The following TRPM7 variants were observed in gnomAD, a reference collection of about 807,000 sequenced individuals.
TRPM7 encodes transient receptor potential cation channel subfamily M member 7.
TRPM7 carries 134 observed loss-of-function variants against 229.7 expected under a neutral mutation model. The ratio of observed to expected loss-of-function variants is 0.58; its 90% confidence interval spans 0.51 to 0.67. The LOEUF is 0.67. Among genes scored for constraint, TRPM7 ranks in the 30% least tolerant of loss-of-function variants. The pLI, the probability that TRPM7 is intolerant of heterozygous loss-of-function variation, is 0.00. For synonymous variants in TRPM7, 699 were observed against 715.2 expected, an observed-to-expected ratio of 0.98 and a Z score of 0.36; for missense variants, 1,901 against 2,210.0, an observed-to-expected ratio of 0.86 and a Z score of 2.80.
Position 50,561,589 on chromosome 15 carries a change from A to G in TRPM7, c.*89T>C. On this transcript the variant is annotated 3_prime_UTR_variant, in exon 39 of 39. Coordinates refer to ENST00000646667, the MANE Select transcript of TRPM7 (RefSeq NM_017672.6). ...ATTCAACTTGCATACACCTTTCTAT[A>G]TTACCAAACAATTTCCTCCCGAGGG... is the stretch of plus-strand genomic sequence containing the variant. 1 of 1,515,780 alleles carries G rather than the reference A, an allele frequency of 6.6e-7. No individual in the cohort carries two copies. The highest frequency in any genetic ancestry group is 9.0e-7 in the Non-Finnish European group (1 of 1,110,580). 93.9% of individuals were successfully genotyped at this position (1,515,780 alleles called of 1,614,324 possible). A position where few individuals can be genotyped will look rare whatever the true frequency, so the allele number is the denominator to read the frequency against.
rs1415561237 is a variant in TRPM7 at position 50,648,737 on chromosome 15, C to A, written c.271G>T (p.Ala91Ser). The change falls in exon 4 of 39, where the codon GCT becomes TCT. Residue 91 changes from alanine (A) to serine (S), a missense_variant. This residue lies in a region of TRPM7 where 794 missense variants were observed against 881.9 expected (regional missense o/e 0.90). Coordinates refer to ENST00000646667, the MANE Select transcript of TRPM7 (RefSeq NM_017672.6). Reference protein sequence around the residue: ...EKHTEQSPTDAYGVINFQGGS... With the variant: ...EKHTEQSPTDSYGVINFQGGS... Reference sequence around the variant, plus strand: ...CCTTGAAAATTTATGACTCCATAAGCATCCGTTGGGCTCTGTTCTGTATGC... The same window carrying A: ...CCTTGAAAATTTATGACTCCATAAGAATCCGTTGGGCTCTGTTCTGTATGC... 6.2e-7 allele frequency: 1 copy of A among 1,612,624 alleles called. No individual in the cohort carries two copies. The highest frequency in any genetic ancestry group is 1.3e-5 in the African/African-American group (1 of 74,878).
chr15:50,676,747 T>C (rs1436563376), intron 1 of TRPM7, among the ~76,000 whole-genome samples: 1 of 151,990 alleles, frequency 6.6e-6, no homozygotes, highest in Non-Finnish European at 1.5e-5. Context: ...AAAATATCAA[T>C]AGAAATCCCA....
At chr15:50,673,470 C>A in intron 1 of TRPM7, among the ~76,000 whole-genome samples, 1 of 152,056 alleles carries the variant, frequency 6.6e-6, no homozygotes, top group East Asian at 1.9e-4. Flanking sequence ...CATTCTTATG[C>A]CTTTGCGTCC....
Position 50,575,937 on chromosome 15 carries a change from C to G in TRPM7, c.4619-18G>C. 1 of 1,610,800 alleles carries G rather than the reference C, an allele frequency of 6.2e-7. No individual in the cohort carries two copies. The highest frequency in any genetic ancestry group is 2.2e-5 in the East Asian group (1 of 44,772). On this transcript the variant is annotated intron_variant, in intron 31 of 38. Transcript: ENST00000646667. ...AGTGAGACCTAGAATGGCAAATAAACAAACGAGACCATTTAAAAAGTACTA... is the reference window on the plus strand; with the variant it reads ...AGTGAGACCTAGAATGGCAAATAAAGAAACGAGACCATTTAAAAAGTACTA...
chr15:50,629,754 G>C (rs934428651), intron 10 of TRPM7, among the ~76,000 whole-genome samples: 2 of 151,200 alleles, frequency 1.3e-5, no homozygotes, highest in Non-Finnish European at 2.9e-5. Flanking sequence ...AATCTGACTT[G>C]TAGGAATAAA....
Position 50,643,529 on chromosome 15 carries a change from T to C in TRPM7, c.346A>G (p.Lys116Glu). The change falls in exon 5 of 39, where the codon AAA becomes GAA. Residue 116 changes from lysine (K) to glutamate (E), a missense_variant. Physicochemically the swap from Lys to Glu is moderately conservative, Grantham distance 56. Around this residue, in one of 8 missense-constraint regions of TRPM7, gnomAD observed 794 missense variants for 881.9 expected, o/e 0.90. Transcript: ENST00000646667. ...AKYVRLSYDT[K>E]PEVILQLLLK... is the part of the protein sequence containing the mutation. ...AGAAGTTGCAGAATGACTTCAGGTT[T>C]GGTGTCATATGATAGCCTCACATAC... 1 of 1,614,150 alleles carries C rather than the reference T, an allele frequency of 6.2e-7. No individual in the cohort carries two copies. Among genetic ancestry groups the C allele is most frequent in the East Asian group, 2.2e-5 (1 of 44,872 alleles).
chr15:50,663,090 T>A, intron 1 of TRPM7, 44 bp from the exon 2 acceptor site: 1 of 1,423,576 alleles, frequency 7.0e-7, no homozygotes, highest in Non-Finnish European at 9.8e-7. Flanking sequence ...GTTAACCCAC[T>A]AAATAAGAAG....
intron 38 of TRPM7, among the ~76,000 whole-genome samples, chr15:50,565,666 T>C (rs1167205468): frequency 6.6e-6 from 1 of 152,150 alleles, no homozygotes; most frequent in African/African-American, 2.4e-5. Context: ...CCTTTCTAGT[T>C]AATCAATAGA....
intron 21 of TRPM7, among the ~76,000 whole-genome samples, chr15:50,601,216 T>C (rs535936519): frequency 1.4e-4 from 21 of 152,344 alleles, no homozygotes; most frequent in Non-Finnish European, 2.5e-4. Context: ...TGGTTGATGA[T>C]TCATAGTCAT....
chr15:50,685,222 G>C lies in TRPM7; in HGVS notation c.3+1309C>G, dbSNP rs147505849. The stretch of plus-strand genomic sequence containing the variant: ...TCACGCCTGTAATCCCAGGACTTTG[G>C]GGGGCTGAGGCGGGCGGATCACCTG... On this transcript the variant is annotated intron_variant, in intron 1 of 38. Transcript: ENST00000646667. Among the ~76,000 whole-genome samples, 603 of 152,316 alleles carry C rather than the reference G, an allele frequency of 4.0e-3. 3 individuals carry two copies. The highest frequency in any genetic ancestry group is 0.014 in the African/African-American group (570 of 41,562).
rs1330392087 is a variant in TRPM7, at chr15:50,643,626, T to C, written c.322-73A>G. On this transcript the variant is annotated intron_variant, in intron 4 of 38. Transcript: ENST00000646667. The stretch of plus-strand genomic sequence containing the variant: ...TTTCATAATGTGACATTATATGACT[T>C]TGGAAAATTTTATATGAATCAGATT... 9.0e-5 allele frequency: 111 copies of C among 1,229,948 alleles called. No individual in the cohort carries two copies. In the Middle Eastern group the frequency reaches 1.2e-3, roughly 13 times the overall value. 76.2% of individuals were successfully genotyped at this position (1,229,948 alleles called of 1,614,324 possible).
intron 24 of TRPM7, 97 bp downstream of exon 24, chr15:50,594,332 C>G (rs2059582893): frequency 8.9e-7 from 1 of 1,127,938 alleles, no homozygotes; most frequent in African/African-American, 1.6e-5. Flanking sequence ...TAACATTAAT[C>G]CACTAAGTCA....
intron 19 of TRPM7, among the ~76,000 whole-genome samples, chr15:50,607,947 C>A (rs543819079): frequency 6.8e-6 from 1 of 146,116 alleles, no homozygotes; most frequent in South Asian, 2.2e-4. Context: ...TCCAGCCACT[C>A]GGGAGGCTGA....
rs910370298 is a variant in TRPM7, at chr15:50,560,407, A to T, written c.*1271T>A. 2 of 152,598 alleles carry T rather than the reference A, an allele frequency of 1.3e-5. No individual in the cohort carries two copies. The highest frequency in any genetic ancestry group is 4.8e-5 in the African/African-American group (2 of 41,448). 9.5% of individuals were successfully genotyped at this position (152,598 alleles called of 1,614,324 possible). ...TCTCCCCACCCCCAATCAATATTAA[A>T]CACTATTTAAACAGCTTATCATCTC... On this transcript the variant is annotated 3_prime_UTR_variant, in exon 39 of 39. Coordinates refer to ENST00000646667, the MANE Select transcript of TRPM7 (RefSeq NM_017672.6).
In TRPM7 at chr15:50,559,058, A is replaced by AT. The variant is rs397939673; in HGVS notation, c.*2619dup. On this transcript the variant is annotated 3_prime_UTR_variant, in exon 39 of 39. Coordinates refer to ENST00000646667, the MANE Select transcript of TRPM7 (RefSeq NM_017672.6). The stretch of plus-strand genomic sequence containing the variant: ...CAGGTGCACACCATCACATCCAGTT[A>AT]TTTTTTTTTTTTTGACGGAGTCTCG... 47,500 of 143,502 alleles carry AT rather than the reference A, an allele frequency of 0.33. 9,109 individuals are homozygous for AT. Among genetic ancestry groups the AT allele is most frequent in the Admixed American group, 0.48 (6,902 of 14,436 alleles). The allele number at this position is 143,502 out of a possible 1,614,324, so 8.9% of individuals were successfully genotyped here.
intron 28 of TRPM7, among the ~76,000 whole-genome samples, chr15:50,584,279 A>G (rs1423254559): frequency 6.6e-6 from 1 of 152,116 alleles, no homozygotes; most frequent in Non-Finnish European, 1.5e-5. Context: ...ATATTAGAAG[A>G]CTCTGGGCAA....
Position 50,585,055 on chromosome 15 carries a change from T to TG in TRPM7, c.4486+1336_4486+1337insC, listed in dbSNP as rs1413385403. ...CACATCTAGCTAATTTTTGTATTTT[T>TG]TTTTTTTTTTTTTTTTTGAGACGGA... On this transcript the variant is annotated intron_variant, in intron 28 of 38. Coordinates refer to ENST00000646667, the MANE Select transcript of TRPM7 (RefSeq NM_017672.6). Among the ~76,000 whole-genome samples, 25 of 138,618 alleles carry TG rather than the reference T, an allele frequency of 1.8e-4. 1 individual carries two copies. Among genetic ancestry groups the TG allele is most frequent in the African/African-American group, 6.9e-4 (25 of 36,000 alleles). The allele number at this position is 138,618 out of a possible 152,430, so 90.9% of individuals were successfully genotyped here. A position where few individuals can be genotyped will look rare whatever the true frequency, so the allele number is the denominator to read the frequency against.
intron 3 of TRPM7, among the ~76,000 whole-genome samples, chr15:50,651,842 G>A (rs575806554): frequency 8.6e-5 from 13 of 151,612 alleles, no homozygotes; most frequent in South Asian, 2.1e-4. Context: ...AGCTGAGATC[G>A]CGCCACTGCA....
intron 3 of TRPM7, among the ~76,000 whole-genome samples, chr15:50,650,997 G>C (rs114547476): frequency 6.6e-6 from 1 of 151,880 alleles, no homozygotes; most frequent in Non-Finnish European, 1.5e-5. Context: ...AGACCAGCCC[G>C]GGCAACATGG....
Sources: allele counts gnomAD v4.1 joint callset (sites outside exome capture counted in the v4.1 genomes callset), GRCh38; gene constraint gnomAD v4.1.1; regional missense constraint gnomAD v4.1.1; transcripts MANE v1.5; gene names NCBI Gene and HGNC (gene_info 2026-07-23, HGNC 2026-07-21).